Variants in SUGP2 observed in about 807,000 individuals in gnomAD.
SUGP2 encodes the protein SURP and G-patch domain-containing protein 2.
In SUGP2, 24 loss-of-function variants were observed where a neutral mutation model predicts 90.5. The ratio of observed to expected loss-of-function variants is 0.27; its 90% CI spans 0.19 to 0.37. The LOEUF (loss-of-function observed/expected upper bound fraction) is 0.37, where lower values mean the gene tolerates loss of function less well. Ranked by LOEUF, SUGP2 falls within the 10% of genes least tolerant of loss-of-function variation. SUGP2 has a pLI of 1.00. For synonymous variants in SUGP2, 473 were observed against 513.4 expected (o/e 0.92, Z 1.06); for missense variants, 1,233 against 1,363.3 (o/e 0.90, Z 1.51).
chr19:19,000,142 G>A (rs1894642168), intron 8 of SUGP2, among the ~76,000 whole-genome samples: 1 of 152,122 alleles, frequency 6.6e-6, no homozygotes, highest in African/African-American at 2.4e-5. Context: ...ATCTGTTGAG[G>A]TCCTGTGTGA....
chr19:19,014,266 T>G (rs1218911232), intron 4 of SUGP2, among the ~76,000 whole-genome samples: 2 of 152,170 alleles, frequency 1.3e-5, no homozygotes, highest in Non-Finnish European at 2.9e-5. Flanking sequence ...GTGGTGGGAT[T>G]ACAGGTGTGA....
intron 2 of SUGP2, among the ~76,000 whole-genome samples, chr19:19,028,730 G>C (rs905213577): frequency 2.6e-5 from 4 of 151,958 alleles, no homozygotes; most frequent in Admixed American, 2.0e-4. Context: ...ACGGAGTCTC[G>C]TTCTGTCACC....
At chr19:19,033,607 C>T (rs996613154), upstream of SUGP2, 35 of 1,180,030 alleles carry the variant, frequency 3.0e-5, no homozygotes, top group Non-Finnish European at 3.7e-5. Context: ...GCCGCCGCGG[C>T]CCGGCTCTCT....
intron 4 of SUGP2, among the ~76,000 whole-genome samples, chr19:19,018,665 C>T (rs1312237816): frequency 1.8e-5 from 2 of 109,894 alleles, no homozygotes; most frequent in African/African-American, 3.6e-5. Flanking sequence ...CCAGCCTGGG[C>T]GACAGAGCAA....
intron 4 of SUGP2, among the ~76,000 whole-genome samples, chr19:19,016,593 A>G (rs2058510954): frequency 6.6e-6 from 1 of 152,068 alleles, no homozygotes; most frequent in Non-Finnish European, 1.5e-5. Context: ...CAATCCTTCA[A>G]CATGCACACT....
In SUGP2 at chr19:19,010,158, G is replaced by A. The variant is rs749800894; in HGVS notation, c.2035C>T (p.Arg679Trp). 8.1e-6 allele frequency: 13 copies of A among 1,613,076 alleles called. No homozygotes were observed. Among genetic ancestry groups the A allele is most frequent in the Non-Finnish European group, 6.8e-6 (8 of 1,179,938 alleles). Reference protein sequence around the residue: ...NLKKKLLPWQRRGLLRAQGLR... With the variant: ...NLKKKLLPWQWRGLLRAQGLR... ...CCTTGAGCACGGAGGAGCCCCCGCC[G>A]CTGCCACGGAAGGAGTTTCTTCTTG... The change falls in exon 5 of 11, where the codon CGG becomes TGG. Residue 679 changes from arginine to tryptophan, a missense_variant. Coordinates refer to ENST00000452918, the MANE Select transcript of SUGP2 (RefSeq NM_001017392.5).
intron 6 of SUGP2, among the ~76,000 whole-genome samples, chr19:19,006,214 C>T (rs1046020695): frequency 7.7e-5 from 9 of 116,294 alleles, no homozygotes; most frequent in Non-Finnish European, 1.3e-4. Context: ...AGTGAAATTC[C>T]GTCTCAAAAA....
chr19:19,009,805 G>A lies in SUGP2; in HGVS notation c.2338+50C>T, dbSNP rs187889357. 43 of 1,543,226 alleles carry A rather than the reference G, an allele frequency of 2.8e-5. No homozygotes were observed. In the East Asian group the frequency reaches 9.5e-4, roughly 34 times the overall value. ...CAATTCTAAAGAGACCCTGGAGATGGGAGAGTAGGGACTGGGGCCCAGAGG... is the reference window on the plus strand; with the variant it reads ...CAATTCTAAAGAGACCCTGGAGATGAGAGAGTAGGGACTGGGGCCCAGAGG... On this transcript the variant is annotated intron_variant, in intron 5 of 10. Coordinates refer to ENST00000452918, the MANE Select transcript of SUGP2 (RefSeq NM_001017392.5).
chr19:19,021,639 C>G (rs1422483232), intron 3 of SUGP2, among the ~76,000 whole-genome samples: 3 of 151,766 alleles, frequency 2.0e-5, no homozygotes, highest in Non-Finnish European at 4.4e-5. Context: ...CAGTAATAAC[C>G]AAAGCATTCA....
At chr19:19,013,989 T>C (rs1412072089) in intron 4 of SUGP2, among the ~76,000 whole-genome samples, 1 of 152,220 alleles carries the variant, frequency 6.6e-6, no homozygotes, top group Non-Finnish European at 1.5e-5. Flanking sequence ...TCTATACTTC[T>C]GATTGATTCA....
intron 4 of SUGP2, among the ~76,000 whole-genome samples, chr19:19,018,415 C>T (rs905534496): frequency 2.6e-5 from 4 of 151,598 alleles, no homozygotes; most frequent in Non-Finnish European, 2.9e-5. Flanking sequence ...CGGCCGGGCG[C>T]GGTGGCTCAC....
intron 6 of SUGP2, 37 bp from the exon 7 acceptor site, chr19:19,004,683 G>T: frequency 6.7e-7 from 1 of 1,483,262 alleles, no homozygotes; most frequent in Non-Finnish European, 9.2e-7. Flanking sequence ...TAACCAGATG[G>T]AATCTCTCAA....
chr19:18,996,054 T>C (rs1033620903), intron 8 of SUGP2, among the ~76,000 whole-genome samples: 1 of 152,204 alleles, frequency 6.6e-6, no homozygotes, highest in Non-Finnish European at 1.5e-5. Flanking sequence ...AGAGCCCAGC[T>C]GGGCAGTCCA....
intron 2 of SUGP2, among the ~76,000 whole-genome samples, chr19:19,029,429 C>A (rs938020047): frequency 6.8e-6 from 1 of 147,724 alleles, no homozygotes; most frequent in Non-Finnish European, 1.5e-5. Flanking sequence ...CCACTGCGCC[C>A]GGCCATTTTT....
At chr19:19,006,134 C>T (rs1175715852) in intron 6 of SUGP2, among the ~76,000 whole-genome samples, 4 of 151,940 alleles carry the variant, frequency 2.6e-5, no homozygotes, top group African/African-American at 4.8e-5. Context: ...GCAGGAGAAT[C>T]GCTTGAACCC....
chr19:19,010,356 C>T lies in SUGP2; in HGVS notation c.1851-14G>A, dbSNP rs1335360550. On this transcript the variant is annotated splice_polypyrimidine_tract_variant and intron_variant, in intron 4 of 10. Transcript: ENST00000452918. ...TCAGACAAAAACCTAGATAACAAAA[C>T]AAGCATAACGGGACATTTATGAAAA... 3.1e-6 allele frequency: 5 copies of T among 1,603,584 alleles called. 1 individual carries two copies. In the South Asian group the frequency reaches 5.5e-5, roughly 18 times the overall value.
intron 1 of SUGP2, among the ~76,000 whole-genome samples, chr19:19,031,563 C>T (rs1181462115): frequency 6.6e-6 from 1 of 150,940 alleles, no homozygotes; most frequent in African/African-American, 2.4e-5. Context: ...TTTCACCAGG[C>T]ATGGTGGCAC....
intron 1 of SUGP2, among the ~76,000 whole-genome samples, chr19:19,031,717 C>T (rs1037916234): frequency 2.6e-5 from 4 of 151,912 alleles, no homozygotes; most frequent in African/African-American, 7.3e-5. Context: ...AAAAAAAATG[C>T]GTGCTCACAG....
chr19:18,997,965 G>A (rs1448151796), intron 8 of SUGP2, among the ~76,000 whole-genome samples: 1 of 152,036 alleles, frequency 6.6e-6, no homozygotes, highest in Non-Finnish European at 1.5e-5. Context: ...CAAGGGCCTT[G>A]GATCCCTTCC....
Sources: gnomAD v4.1 joint callset for allele counts (sites outside exome capture counted in the v4.1 genomes callset) on GRCh38, gnomAD v4.1.1 for gene constraint, MANE v1.5 for transcripts, NCBI Gene and HGNC (gene_info 2026-07-23, HGNC 2026-07-21) for gene names.